FAT3: variants seen among roughly 807,000 people sequenced by gnomAD.
FAT3 encodes the protein protocadherin Fat 3.
FAT3 carries 95 observed loss-of-function variants against 310.2 expected under a neutral mutation model. The ratio of observed to expected loss-of-function variants is 0.31; its 90% CI spans 0.26 to 0.36. FAT3 has a LOEUF of 0.36. FAT3 is among the 10% of genes least tolerant of loss of function. FAT3 has a pLI of 1.00. For synonymous variants in FAT3, 2,314 were observed against 2,192.9 expected (o/e 1.06, Z -1.54); for missense variants, 5,408 against 5,715.6 (o/e 0.95, Z 1.74).
intron 1 of FAT3, among the ~76,000 whole-genome samples, chr11:92,260,327 A>G (rs1818524086): frequency 6.6e-6 from 1 of 152,062 alleles, no homozygotes; most frequent in Non-Finnish European, 1.5e-5. Context: ...CAGGAGTTAT[A>G]TTAAAAAATA....
intron 13 of FAT3, among the ~76,000 whole-genome samples, chr11:92,816,155 G>A (rs1409141735): frequency 6.6e-6 from 1 of 152,212 alleles, no homozygotes; most frequent in East Asian, 1.9e-4. Flanking sequence ...AGACAGAGGA[G>A]TGAGACAGAG....
chr11:92,837,879 T>G, intron 17 of FAT3, 73 bp downstream of exon 17: 1 of 1,568,226 alleles, frequency 6.4e-7, no homozygotes, highest in Non-Finnish European at 8.8e-7. Flanking sequence ...GTTTACTCAT[T>G]GTGGTTTATT....
intron 13 of FAT3, among the ~76,000 whole-genome samples, chr11:92,822,544 C>A (rs1947995181): frequency 6.6e-6 from 1 of 152,188 alleles, no homozygotes; most frequent in African/African-American, 2.4e-5. Flanking sequence ...CAGGATACAT[C>A]CTACCACTTC....
At chr11:92,508,435 T>TA (rs767752657) in intron 2 of FAT3, among the ~76,000 whole-genome samples, 11 of 152,166 alleles carry the variant, frequency 7.2e-5, no homozygotes, top group Non-Finnish European at 1.3e-4. Context: ...TAGCTTTACT[T>TA]ACGTTTTTCA....
intron 1 of FAT3, among the ~76,000 whole-genome samples, chr11:92,240,771 AC>A (rs983621228): frequency 6.6e-6 from 1 of 151,974 alleles, no homozygotes; most frequent in African/African-American, 2.4e-5. Context: ...ATATCCATTG[AC>A]AAAAGCCAGC....
intron 6 of FAT3, 22 bp from the exon 7 acceptor site, chr11:92,774,019 C>A: frequency 1.2e-6 from 2 of 1,610,690 alleles, no homozygotes; most frequent in Non-Finnish European, 1.7e-6. Flanking sequence ...TTGCTAATTT[C>A]ATGTTTCTGT....
At chr11:92,613,630 G>A (rs934422227) in intron 3 of FAT3, among the ~76,000 whole-genome samples, 9 of 152,124 alleles carry the variant, frequency 5.9e-5, no homozygotes, top group African/African-American at 2.2e-4. Context: ...TCTAGCCTCT[G>A]TTTTGGAGCT....
chr11:92,553,842 G>A (rs1466132773), intron 3 of FAT3, among the ~76,000 whole-genome samples: 2 of 147,430 alleles, frequency 1.4e-5, no homozygotes, highest in African/African-American at 5.0e-5. Flanking sequence ...TATCACTCTT[G>A]TTGCCCAGGC....
intron 2 of FAT3, among the ~76,000 whole-genome samples, chr11:92,438,298 G>T (rs1317497884): frequency 6.6e-6 from 1 of 152,122 alleles, no homozygotes; most frequent in African/African-American, 2.4e-5. Flanking sequence ...TATTAGAATA[G>T]TGTGATCTTA....
Position 92,891,033 on chromosome 11 carries a change from G to A in FAT3, c.13690G>A (p.Asp4564Asn), listed in dbSNP as rs2136450096. 6.2e-7 allele frequency: 1 copy of A among 1,613,852 alleles called. No homozygotes were observed. Among genetic ancestry groups the A allele is most frequent in the Non-Finnish European group, 8.5e-7 (1 of 1,179,842 alleles). Reference sequence around the variant, plus strand: ...TGACGATTCCGAAGTAGCCATGAGTGACTACGAGAGCGTGGGAGAGCTCAG... The same window carrying A: ...TGACGATTCCGAAGTAGCCATGAGTAACTACGAGAGCGTGGGAGAGCTCAG... ...GFDDSEVAMS[D>N]YESVGELSLA... Residue 4564 changes from aspartate to asparagine, a missense_variant, in exon 28 of 28, where the codon GAC (aspartate) becomes AAC (asparagine). Coordinates refer to ENST00000525166, the MANE Select transcript of FAT3 (RefSeq NM_001367949.2).
At chr11:92,647,961 C>T (rs1443777164) in intron 3 of FAT3, among the ~76,000 whole-genome samples, 4 of 152,058 alleles carry the variant, frequency 2.6e-5, no homozygotes, top group Non-Finnish European at 5.9e-5. Context: ...AGTTTTATTT[C>T]ACTAGTAGAC....
rs769050767 is a variant in FAT3, at chr11:92,844,511, C to G, written c.11144C>G (p.Pro3715Arg). The G allele has an allele frequency of 6.2e-7, 1 of 1,613,984 alleles. No individual in the cohort carries two copies. The highest frequency in any genetic ancestry group is 1.7e-5 in the Admixed American group (1 of 60,020). The change falls in exon 19 of 28, where the codon CCA (proline) becomes CGA (arginine). Residue 3715 changes from proline to arginine, a missense_variant. By Grantham distance (103) the Pro-to-Arg change is moderately radical. Coordinates refer to ENST00000525166, the MANE Select transcript of FAT3 (RefSeq NM_001367949.2). ...VEMHSSEFYKPAYLIQKLSNA... is the reference protein window; with the variant it reads ...VEMHSSEFYKRAYLIQKLSNA... ...ATGCACAGCAGCGAGTTCTACAAGC[C>G]AGCCTACCTGATCCAGAAGCTGTCC...
intron 2 of FAT3, among the ~76,000 whole-genome samples, chr11:92,478,474 C>T (rs1007038324): frequency 3.9e-5 from 6 of 152,156 alleles, no homozygotes; most frequent in Non-Finnish European, 5.9e-5. Context: ...TTGCTTCCAA[C>T]GAGTTCCTCA....
intron 2 of FAT3, among the ~76,000 whole-genome samples, chr11:92,377,628 G>C (rs1484142089): frequency 6.6e-6 from 1 of 152,140 alleles, no homozygotes; most frequent in Non-Finnish European, 1.5e-5. Flanking sequence ...CTTTCTCTTG[G>C]TTCAGGATCA....
intron 25 of FAT3, 72 bp from the exon 26 acceptor site, chr11:92,889,114 TAAG>T: frequency 1.6e-6 from 1 of 640,736 alleles, no homozygotes; most frequent in South Asian, 1.8e-5. Context: ...GTTGTTAAAA[TAAG>T]GTGTGTTTAA....
At chr11:92,876,682 G>T (rs1008679723) in intron 22 of FAT3, among the ~76,000 whole-genome samples, 1 of 152,170 alleles carries the variant, frequency 6.6e-6, no homozygotes, top group African/African-American at 2.4e-5. Flanking sequence ...TGCTCTCTTG[G>T]CTCCTGCATC....
intron 3 of FAT3, among the ~76,000 whole-genome samples, chr11:92,531,480 A>G (rs1157143754): frequency 6.6e-6 from 1 of 152,080 alleles, no homozygotes; most frequent in Non-Finnish European, 1.5e-5. Flanking sequence ...AGTGTGGTGT[A>G]TTATATAGCA....
chr11:92,288,189 G>T (rs1266201079), intron 1 of FAT3, among the ~76,000 whole-genome samples: 1 of 152,086 alleles, frequency 6.6e-6, no homozygotes, highest in Non-Finnish European at 1.5e-5. Flanking sequence ...GATGAACCTG[G>T]AGGACATTAT....
chr11:92,777,604 A>G (rs1946630349), intron 7 of FAT3, among the ~76,000 whole-genome samples: 1 of 152,172 alleles, frequency 6.6e-6, no homozygotes, highest in Non-Finnish European at 1.5e-5. Flanking sequence ...AAGGGATATT[A>G]TTATACTTTT....
Sources: gnomAD v4.1 joint callset for allele counts (sites outside exome capture counted in the v4.1 genomes callset) on GRCh38, gnomAD v4.1.1 for gene constraint, MANE v1.5 for transcripts, NCBI Gene and HGNC (gene_info 2026-07-23, HGNC 2026-07-21) for gene names.